Variants in FREM2 observed in about 807,000 individuals in gnomAD.
FREM2 encodes the protein FRAS1-related extracellular matrix protein 2.
Under a neutral mutation model 219.9 loss-of-function variants are expected in FREM2, and 119 were observed. The ratio of observed to expected loss-of-function variants is 0.54; its 90% CI spans 0.47 to 0.63. The LOEUF (loss-of-function observed/expected upper bound fraction) is 0.63, where lower values mean the gene tolerates loss of function less well. FREM2 is among the 30% of genes least tolerant of loss of function. The pLI is 0.00. For missense variants in FREM2, 4,030 were observed against 3,993.6 expected, an observed-to-expected ratio of 1.01 and a Z score of -0.25; for synonymous variants, 1,562 against 1,522.8, an observed-to-expected ratio of 1.03 and a Z score of -0.60.
chr13:38,779,167 A>T (rs559385355), intron 4 of FREM2, among the ~76,000 whole-genome samples: 5 of 151,734 alleles, frequency 3.3e-5, no homozygotes, highest in Admixed American at 3.3e-4. Context: ...CATAAGTGGG[A>T]GTTAGACAAT....
Position 38,689,936 on chromosome 13 carries a change from C to G in FREM2, c.2592C>G (p.Ile864Met), listed in dbSNP as rs1485466578. 6.2e-7 allele frequency: 1 copy of G among 1,614,188 alleles called. No homozygotes were observed. Among genetic ancestry groups the G allele is most frequent in the Admixed American group, 1.7e-5 (1 of 60,030 alleles). ...VNDVDTDVAH[I>M]SFTLTQAPKH... Reference sequence around the variant, plus strand: ...ATGTAGACACTGATGTTGCCCATATCTCTTTCACTCTCACTCAGGCACCCA... The same window carrying G: ...ATGTAGACACTGATGTTGCCCATATGTCTTTCACTCTCACTCAGGCACCCA... Residue 864 changes from isoleucine to methionine, a missense_variant, in exon 1 of 24, where the codon ATC (isoleucine) becomes ATG (methionine). Physicochemically the swap from Ile to Met is conservative, Grantham distance 10 (BLOSUM62 1). Transcript: ENST00000280481.
Position 38,689,893 on chromosome 13 carries a change from C to A in FREM2, c.2549C>A (p.Thr850Lys). Residue 850 changes from threonine to lysine, a missense_variant, in exon 1 of 24, where the codon ACA becomes AAA. Around this residue, in one of 2 missense-constraint regions of FREM2, gnomAD observed 3,102 missense variants for 2,950.7 expected, o/e 1.05. Transcript: ENST00000280481. ...QEKGHHILSETELHVNDVDTD... is the reference protein window; with the variant it reads ...QEKGHHILSEKELHVNDVDTD... ...AAGGGTCACCACATCCTGAGTGAGA[C>A]AGAGTTGCACGTGAATGATGTAGAC... The A allele has an allele frequency of 6.2e-7, 1 of 1,614,190 alleles. No individual in the cohort carries two copies. The highest frequency in any genetic ancestry group is 8.5e-7 in the Non-Finnish European group (1 of 1,180,046).
chr13:38,721,230 A>C (rs957022629), intron 2 of FREM2, among the ~76,000 whole-genome samples: 2 of 152,220 alleles, frequency 1.3e-5, no homozygotes, highest in African/African-American at 4.8e-5. Context: ...GCAGAAAAAA[A>C]AATATTGTCA....
chr13:38,745,857 G>A (rs989133208), intron 2 of FREM2, among the ~76,000 whole-genome samples: 4 of 152,122 alleles, frequency 2.6e-5, no homozygotes, highest in Non-Finnish European at 5.9e-5. Context: ...CTCCCTGTGT[G>A]TATTTGACTT....
chr13:38,757,169 C>T (rs539280437), intron 2 of FREM2, among the ~76,000 whole-genome samples: 2 of 152,140 alleles, frequency 1.3e-5, no homozygotes, highest in East Asian at 3.9e-4. Context: ...TCTTTGGAAA[C>T]TTGTGTACAA....
chr13:38,851,069 C>T lies in FREM2; in HGVS notation c.6703C>T (p.Gln2235Ter). ...TCCCTTTGGGGCTGCAGTTGGTGAA[C>T]AAAATGAAACTCTCATAAGGATCCG... ...NSPFGAAVGE[Q>*]NETLIRIRDD... Residue 2235 changes from glutamine (Q) to a stop codon, truncating the protein, a stop_gained, in exon 10 of 24, where the codon CAA becomes TAA. Transcript: ENST00000280481. LOFTEE classifies it high-confidence loss of function. 6.2e-7 allele frequency: 1 copy of T among 1,613,902 alleles called. No individual in the cohort carries two copies. Among genetic ancestry groups the T allele is most frequent in the Non-Finnish European group, 8.5e-7 (1 of 1,179,958 alleles).
intron 1 of FREM2, among the ~76,000 whole-genome samples, chr13:38,697,302 A>G (rs962630334): frequency 6.6e-6 from 1 of 152,170 alleles, no homozygotes; most frequent in Non-Finnish European, 1.5e-5. Flanking sequence ...CCAGTTCCCT[A>G]CTGGGAGGCA....
intron 6 of FREM2, among the ~76,000 whole-genome samples, chr13:38,843,704 G>A (rs986574017): frequency 1.1e-4 from 16 of 151,986 alleles, no homozygotes; most frequent in African/African-American, 3.9e-4. Context: ...ATTACATAAG[G>A]TTTTCTCCCA....
At chr13:38,809,733 G>A (rs981667191) in intron 6 of FREM2, among the ~76,000 whole-genome samples, 18 of 151,956 alleles carry the variant, frequency 1.2e-4, no homozygotes, top group South Asian at 2.1e-4. Flanking sequence ...GATTACAGTC[G>A]TTCTGTAGTA....
At position 38,783,150 on chromosome 13, in the gene FREM2, G is replaced by A. The variant is rs568057756; in HGVS notation, c.5722G>A (p.Gly1908Arg). 67 of 1,613,978 alleles carry A rather than the reference G, an allele frequency of 4.2e-5. 1 individual carries two copies. The Middle Eastern group carries it at 1.3e-3, about 32-fold the overall frequency. ...GELFIPIRRS[G>R]DVSQELMVVC... is the part of the protein sequence containing the mutation. Reference sequence around the variant, plus strand: ...GCTGTTCATTCCCATCAGGAGGAGCGGAGATGTGAGCCAGGAGTTGATGGT... The same window carrying A: ...GCTGTTCATTCCCATCAGGAGGAGCAGAGATGTGAGCCAGGAGTTGATGGT... Residue 1908 changes from glycine to arginine, a missense_variant, in exon 5 of 24, where the codon GGA becomes AGA. Around this residue, in one of 2 missense-constraint regions of FREM2, gnomAD observed 3,102 missense variants for 2,950.7 expected, o/e 1.05. Transcript: ENST00000280481.
chr13:38,869,096 A>G (rs1878070059), intron 16 of FREM2, among the ~76,000 whole-genome samples: 1 of 152,214 alleles, frequency 6.6e-6, no homozygotes, highest in South Asian at 2.1e-4. Context: ...CACTGTGCAA[A>G]CACATTTTAT....
intron 2 of FREM2, among the ~76,000 whole-genome samples, chr13:38,732,257 G>T (rs1449357458): frequency 6.6e-6 from 1 of 152,102 alleles, no homozygotes; most frequent in Non-Finnish European, 1.5e-5. Context: ...TAATGCTAGG[G>T]CTGCATATAA....
chr13:38,711,326 T>G (rs1327429859), intron 2 of FREM2, among the ~76,000 whole-genome samples: 1 of 152,180 alleles, frequency 6.6e-6, no homozygotes, highest in Non-Finnish European at 1.5e-5. Context: ...TAATGTAGGA[T>G]GAAGATAGCA....
chr13:38,807,756 C>T (rs1875308007), intron 6 of FREM2, among the ~76,000 whole-genome samples: 1 of 151,984 alleles, frequency 6.6e-6, no homozygotes, highest in Admixed American at 6.5e-5. Context: ...GTACTGTCAT[C>T]TAGGCTTTGT....
chr13:38,815,915 G>A (rs112252532), intron 6 of FREM2, among the ~76,000 whole-genome samples: 253 of 152,268 alleles, frequency 1.7e-3, no homozygotes, highest in African/African-American at 4.0e-3. Context: ...CCCCACCTCT[G>A]ATATTGAAAC....
chr13:38,797,045 T>C (rs1032706738), intron 6 of FREM2, among the ~76,000 whole-genome samples: 2 of 152,038 alleles, frequency 1.3e-5, no homozygotes, highest in African/African-American at 4.8e-5. Context: ...CTGGCTATTT[T>C]CTTTAAATTT....
chr13:38,876,231 A>G lies in FREM2; in HGVS notation c.8410-17A>G. ...TCAGATTTTTAAATGTAATATATCA[A>G]TATCTTCTCCTCAAAGGTACGTGAC... On this transcript the variant is annotated splice_polypyrimidine_tract_variant and intron_variant, in intron 19 of 23. Transcript: ENST00000280481. 6.2e-7 allele frequency: 1 copy of G among 1,614,010 alleles called. No homozygotes were observed. Among genetic ancestry groups the G allele is most frequent in the African/African-American group, 1.3e-5 (1 of 74,984 alleles).
intron 1 of FREM2, among the ~76,000 whole-genome samples, chr13:38,693,686 C>A (rs1869993559): frequency 6.6e-6 from 1 of 152,186 alleles, no homozygotes; most frequent in African/African-American, 2.4e-5. Context: ...TGGGGGTGTT[C>A]TTTTCCTGCA....
chr13:38,800,998 G>C (rs1015630593), intron 6 of FREM2, among the ~76,000 whole-genome samples: 1 of 152,116 alleles, frequency 6.6e-6, no homozygotes, highest in African/African-American at 2.4e-5. Context: ...TGAATATGTG[G>C]TTGCTTTATT....
Sources: gnomAD v4.1 joint callset for allele counts (sites outside exome capture counted in the v4.1 genomes callset) on GRCh38, gnomAD v4.1.1 for gene constraint, gnomAD v4.1.1 regional missense constraint, MANE v1.5 for transcripts, NCBI Gene and HGNC (gene_info 2026-07-23, HGNC 2026-07-21) for gene names.